PGAP1: variants seen among roughly 807,000 people sequenced by gnomAD.
PGAP1 encodes post-GPI attachment to proteins inositol deacylase 1, also known as GPI inositol-deacylase.
A neutral mutation model predicts 127.0 loss-of-function variants in PGAP1; 76 were observed. The observed-to-expected ratio is 0.60, with a 90% CI of 0.50 to 0.72. The LOEUF (loss-of-function observed/expected upper bound fraction) is 0.72, where lower values mean the gene tolerates loss of function less well. Among genes scored for constraint, PGAP1 ranks in the 30% least tolerant of loss-of-function variants. PGAP1 has a pLI of 0.00. For missense variants in PGAP1, 982 were observed against 1,071.3 expected (o/e 0.92, Z 1.16); for synonymous variants, 362 against 366.5 (o/e 0.99, Z 0.14).
chr2:196,870,910 A>G (rs778829530), intron 19 of PGAP1, 31 bp downstream of exon 19: 17 of 1,580,300 alleles, frequency 1.1e-5, no homozygotes, highest in Admixed American at 1.7e-5. Context: ...ATAAAGCAGT[A>G]AATAATCAAC....
Position 196,870,191 on chromosome 2 carries a change from TAA to T in PGAP1, c.1767+748_1767+749del, listed in dbSNP as rs1559344271. On this transcript the variant is annotated intron_variant, in intron 19 of 26. Coordinates refer to ENST00000354764, the MANE Select transcript of PGAP1 (RefSeq NM_024989.4). ...TTTTACAAACTGAGCATGCACAATATAAAAAGTTATTTGAAAACATTCATTTA... is the reference window on the plus strand; with the variant it reads ...TTTTACAAACTGAGCATGCACAATATAAAGTTATTTGAAAACATTCATTTA... Among the ~76,000 whole-genome samples, 29 of 152,304 alleles carry T rather than the reference TAA, an allele frequency of 1.9e-4. No homozygotes were observed. The South Asian group carries it at 5.6e-3, about 29-fold the overall frequency.
intron 7 of PGAP1, among the ~76,000 whole-genome samples, chr2:196,894,637 C>A (rs1435563097): frequency 6.6e-6 from 1 of 152,008 alleles, no homozygotes; most frequent in Non-Finnish European, 1.5e-5. Context: ...CCTGTCTCTA[C>A]TAAAAATACA....
At position 196,865,041 on chromosome 2, in the gene PGAP1, C is replaced by T. The variant is rs139880907; in HGVS notation, c.1807G>A (p.Val603Ile). 46 of 1,569,884 alleles carry T rather than the reference C, an allele frequency of 2.9e-5. No individual in the cohort carries two copies. Among genetic ancestry groups the T allele is most frequent in the East Asian group, 2.1e-4 (9 of 42,896 alleles). Reference sequence around the variant, plus strand: ...CTATAAGCAAGAAGGATATTAGATACGACATAAGCAGGAAGAGCTCCACCA... The same window carrying T: ...CTATAAGCAAGAAGGATATTAGATATGACATAAGCAGGAAGAGCTCCACCA... ...FHGGALPAYV[V>I]SNILLAYRGQ... The change falls in exon 20 of 27, where the codon GTA becomes ATA. Residue 603 changes from valine (V) to isoleucine (I), a missense_variant. Physicochemically the swap from Val to Ile is conservative, Grantham distance 29. Transcript: ENST00000354764.
rs1200798761 is a variant in PGAP1, at chr2:196,835,190, A to T, written c.*6044T>A. 3.3e-5 allele frequency: 5 copies of T among 152,054 alleles called. No individual in the cohort carries two copies. The highest frequency in any genetic ancestry group is 5.9e-5 in the Non-Finnish European group (4 of 67,900). 9.4% of individuals were successfully genotyped at this position (152,054 alleles called of 1,614,324 possible). ...AACATATTAATGTTAACACTTTAGTATTAATATCTTGTTTTATAATATTTT... is the reference window on the plus strand; with the variant it reads ...AACATATTAATGTTAACACTTTAGTTTTAATATCTTGTTTTATAATATTTT... On this transcript the variant is annotated 3_prime_UTR_variant, in exon 27 of 27. Coordinates refer to ENST00000354764, the MANE Select transcript of PGAP1 (RefSeq NM_024989.4).
chr2:196,922,548 A>T (rs1703230288), intron 1 of PGAP1: 1 of 973,912 alleles, frequency 1.0e-6, no homozygotes, highest in Non-Finnish European at 1.2e-6. Flanking sequence ...TATAATCCAT[A>T]GTTCATACTG....
In PGAP1 at chr2:196,844,046, C is replaced by A; in HGVS notation, c.2367G>T (p.Lys789Asn). Residue 789 changes from lysine to asparagine, a missense_variant, in exon 25 of 27, where the codon AAG becomes AAT. Physicochemically the swap from Lys to Asn is moderately conservative, Grantham distance 94 (BLOSUM62 0). Transcript: ENST00000354764. ...VNPKHSRRSE[K>N]KSNHHKDSSI... ...AGGAGTCTTTATGATGATTGGATTT[C>A]TTTTCACTTCTTCTAGAGTGTTTGG... 1 of 1,593,822 alleles carries A rather than the reference C, an allele frequency of 6.3e-7. No homozygotes were observed. The highest frequency in any genetic ancestry group is 8.6e-7 in the Non-Finnish European group (1 of 1,167,546).
chr2:196,918,143 A>AAGCC (rs1415127883), intron 2 of PGAP1, among the ~76,000 whole-genome samples: 1 of 152,200 alleles, frequency 6.6e-6, no homozygotes, highest in Non-Finnish European at 1.5e-5. Context: ...CTTCATAGTG[A>AAGCC]AGCCAGAGCA....
At chr2:196,916,347 T>C (rs1434066125) in intron 3 of PGAP1, 71 bp downstream of exon 3, 1 of 1,338,158 alleles carries the variant, frequency 7.5e-7, no homozygotes, top group African/African-American at 1.5e-5. Context: ...TGATTTAAAG[T>C]ATACTGAATC....
chr2:196,869,718 G>A (rs565675477), intron 19 of PGAP1, among the ~76,000 whole-genome samples: 1 of 152,024 alleles, frequency 6.6e-6, no homozygotes, highest in South Asian at 2.1e-4. Context: ...TCCTAATTTA[G>A]CACAAAATTT....
intron 7 of PGAP1, among the ~76,000 whole-genome samples, chr2:196,894,510 T>G (rs970130859): frequency 6.6e-6 from 1 of 152,170 alleles, no homozygotes; most frequent in Non-Finnish European, 1.5e-5. Flanking sequence ...AGCCTGTCTA[T>G]CAAAACTTTA....
In PGAP1 at chr2:196,926,598, T is replaced by G. The variant is rs1252728377; in HGVS notation, c.19A>C (p.Asn7His). The change falls in exon 1 of 27, where the codon AAT (asparagine) becomes CAT (histidine). Residue 7 changes from asparagine (N) to histidine (H), a missense_variant. Coordinates refer to ENST00000354764, the MANE Select transcript of PGAP1 (RefSeq NM_024989.4). ...ACATAAAACGCCAGGTTCCAGAGAT[T>G]AACTGAGTGAAGAAACATGGTGCCG... The part of the protein sequence containing the change: MFLHSV[N>H]LWNLAFYVFM... 1 of 1,613,896 alleles carries G rather than the reference T, an allele frequency of 6.2e-7. No individual in the cohort carries two copies. The highest frequency in any genetic ancestry group is 1.3e-5 in the African/African-American group (1 of 74,866).
intron 23 of PGAP1, 80 bp downstream of exon 23, chr2:196,845,802 T>C: frequency 8.0e-7 from 1 of 1,257,364 alleles, no homozygotes; most frequent in South Asian, 2.4e-5. Flanking sequence ...AGAATTTTTG[T>C]TAACAATGCC....
Position 196,862,614 on chromosome 2 carries a change from T to A in PGAP1, c.1861+2373A>T, listed in dbSNP as rs554575666. Among the ~76,000 whole-genome samples the A allele has an allele frequency of 3.0e-4, 46 of 152,364 alleles. No individual in the cohort carries two copies. The Middle Eastern group carries it at 0.01, about 34-fold the overall frequency. On this transcript the variant is annotated intron_variant, in intron 20 of 26. Coordinates refer to ENST00000354764, the MANE Select transcript of PGAP1 (RefSeq NM_024989.4). ...GGGCATCACGGAACCTACCAACATG[T>A]GATGTCTCTCCCAGACACCCAGCTT...
At chr2:196,843,123 A>C (rs141888741) in intron 25 of PGAP1, among the ~76,000 whole-genome samples, 7 of 152,314 alleles carry the variant, frequency 4.6e-5, no homozygotes, top group East Asian at 3.9e-4. Flanking sequence ...TTAAAAAAAA[A>C]CAAATTACTT....
In PGAP1 at chr2:196,920,170, G is replaced by GT. The variant is rs1374092016; in HGVS notation, c.148-21dup. 6.3e-7 allele frequency: 1 copy of GT among 1,587,806 alleles called. No individual in the cohort carries two copies. Among genetic ancestry groups the GT allele is most frequent in the Non-Finnish European group, 8.6e-7 (1 of 1,168,188 alleles). On this transcript the variant is annotated intron_variant, in intron 1 of 26. Coordinates refer to ENST00000354764, the MANE Select transcript of PGAP1 (RefSeq NM_024989.4). ...TATTTTCTACATTTAAAAAAAAGTA[G>GT]TTTCACTTTAATCAGTTTTATTAAT... is the stretch of plus-strand genomic sequence containing the variant.
intron 22 of PGAP1, among the ~76,000 whole-genome samples, 191 bp from the exon 23 acceptor site, chr2:196,846,208 G>A (rs1700551709): frequency 1.3e-5 from 2 of 152,126 alleles, no homozygotes; most frequent in South Asian, 2.1e-4. Flanking sequence ...GTAATGTATT[G>A]TGATAACTCC....
intron 3 of PGAP1, 36 bp from the exon 4 acceptor site, chr2:196,913,089 T>A (rs1292987082): frequency 3.2e-6 from 5 of 1,554,944 alleles, no homozygotes; most frequent in African/African-American, 1.4e-5. Flanking sequence ...AATTGCGGCT[T>A]TGTATCATTT....
At chr2:196,897,262 G>T in intron 6 of PGAP1, 65 bp from the exon 7 acceptor site, 2 of 986,462 alleles carry the variant, frequency 2.0e-6, no homozygotes, top group Middle Eastern at 2.1e-4. Flanking sequence ...ATCAAAATAT[G>T]CACAATTCTA....
chr2:196,915,059 T>A (rs1045788471), intron 3 of PGAP1, among the ~76,000 whole-genome samples: 21 of 152,206 alleles, frequency 1.4e-4, no homozygotes, highest in African/African-American at 5.1e-4. Context: ...ATCCTCATCT[T>A]ATTTGACCTA....
Sources: allele counts gnomAD v4.1 joint callset (sites outside exome capture counted in the v4.1 genomes callset), GRCh38; gene constraint gnomAD v4.1.1; transcripts MANE v1.5; gene names NCBI Gene and HGNC (gene_info 2026-07-23, HGNC 2026-07-21).